Variants in NUP153 observed in about 807,000 individuals in gnomAD.
NUP153 encodes nucleoporin 153.
NUP153 carries 27 observed loss-of-function variants against 134.6 expected under a neutral mutation model. The ratio of observed to expected loss-of-function variants is 0.20; its 90% CI spans 0.15 to 0.28. NUP153 has a LOEUF of 0.28. Among genes scored for constraint, NUP153 ranks in the 10% least tolerant of loss-of-function variants. The pLI, the probability that NUP153 is intolerant of heterozygous loss-of-function variation, is 1.00. For synonymous variants in NUP153, 640 were observed against 623.5 expected (o/e 1.03, Z -0.40); for missense variants, 1,821 against 1,731.3 (o/e 1.05, Z -0.92).
chr6:17,682,201 G>A (rs950090446), intron 2 of NUP153, among the ~76,000 whole-genome samples: 1 of 152,100 alleles, frequency 6.6e-6, no homozygotes, highest in Non-Finnish European at 1.5e-5. Flanking sequence ...CCTATTAAGT[G>A]TGCAACAGCA....
chr6:17,698,554 T>C (rs539849874), intron 1 of NUP153, among the ~76,000 whole-genome samples: 8 of 152,120 alleles, frequency 5.3e-5, no homozygotes, highest in African/African-American at 1.7e-4. Context: ...CCGGCTAACA[T>C]GGTGAAACCC....
At chr6:17,674,317 G>A (rs1768087066) in intron 5 of NUP153, among the ~76,000 whole-genome samples, 2 of 152,058 alleles carry the variant, frequency 1.3e-5, no homozygotes, top group African/African-American at 4.8e-5. Flanking sequence ...TGTAGTATGT[G>A]TAATTTATAC....
chr6:17,699,797 G>A (rs1315451445), intron 1 of NUP153, among the ~76,000 whole-genome samples: 3 of 150,432 alleles, frequency 2.0e-5, no homozygotes, highest in Admixed American at 2.0e-4. Flanking sequence ...ATCACAGCAT[G>A]GCACTCCAGC....
At chr6:17,645,465 TTC>T (rs1425251475) in intron 14 of NUP153, among the ~76,000 whole-genome samples, 9 of 136,340 alleles carry the variant, frequency 6.6e-5, no homozygotes, top group African/African-American at 2.6e-4. Flanking sequence ...TTATTTCTTT[TTC>T]TTTTTTTTTT....
intron 2 of NUP153, among the ~76,000 whole-genome samples, chr6:17,686,329 A>T (rs7745349): frequency 0.24 from 36,919 of 151,918 alleles, 4,876 homozygotes; most frequent in Non-Finnish European, 0.29. Context: ...GCCATGATAT[A>T]GCTGATACTG....
intron 2 of NUP153, among the ~76,000 whole-genome samples, chr6:17,684,076 C>T (rs1768772299): frequency 6.6e-6 from 1 of 152,160 alleles, no homozygotes; most frequent in Non-Finnish European, 1.5e-5. Context: ...GATATGCCTG[C>T]TCCCACTCTG....
At chr6:17,679,626 G>A (rs1768456801) in intron 2 of NUP153, among the ~76,000 whole-genome samples, 1 of 152,186 alleles carries the variant, frequency 6.6e-6, no homozygotes, top group Admixed American at 6.5e-5. Context: ...TAATACAGAA[G>A]TACAGTAATG....
At chr6:17,639,146 C>A (rs771905938) in intron 15 of NUP153, among the ~76,000 whole-genome samples, 1 of 151,688 alleles carries the variant, frequency 6.6e-6, no homozygotes, top group Admixed American at 6.6e-5. Context: ...GGTTCGATCT[C>A]GGTTCACTGC....
intron 2 of NUP153, among the ~76,000 whole-genome samples, chr6:17,687,705 A>C (rs1769020081): frequency 6.6e-6 from 1 of 152,228 alleles, no homozygotes; most frequent in Non-Finnish European, 1.5e-5. Flanking sequence ...AGGGCTACAA[A>C]AAGTTTTGTA....
intron 11 of NUP153, chr6:17,651,867 G>A: frequency 3.0e-6 from 2 of 675,670 alleles, no homozygotes; most frequent in East Asian, 2.7e-5. Context: ...GCCAAGATGG[G>A]ATGATCGCTT....
intron 2 of NUP153, among the ~76,000 whole-genome samples, chr6:17,683,718 A>AC (rs113794477): frequency 0.062 from 9,409 of 152,022 alleles, 392 homozygotes; most frequent in Non-Finnish European, 0.084. Context: ...AGTTGCATTA[A>AC]CCCCTAATAA....
At chr6:17,697,506 C>T (rs968149769) in intron 1 of NUP153, among the ~76,000 whole-genome samples, 3 of 152,108 alleles carry the variant, frequency 2.0e-5, no homozygotes, top group South Asian at 2.1e-4. Context: ...GCCAACATGG[C>T]GAAACCCTGT....
chr6:17,632,925 AC>A, intron 16 of NUP153, 81 bp from the exon 17 acceptor site: 1 of 1,025,582 alleles, frequency 9.8e-7, no homozygotes, highest in South Asian at 1.9e-5. Flanking sequence ...TCTTAATGGC[AC>A]TGCTAAGTTT....
At chr6:17,704,623 G>A (rs2150256849) in intron 1 of NUP153, among the ~76,000 whole-genome samples, 1 of 151,916 alleles carries the variant, frequency 6.6e-6, no homozygotes, top group South Asian at 2.1e-4. Context: ...AGTAGTAACA[G>A]TGCCAAACCT....
intron 14 of NUP153, among the ~76,000 whole-genome samples, chr6:17,643,947 C>A (rs938363562): frequency 1.3e-5 from 2 of 152,000 alleles, no homozygotes; most frequent in African/African-American, 4.8e-5. Context: ...GAAATTTAAT[C>A]CTCTTGAATT....
intron 2 of NUP153, among the ~76,000 whole-genome samples, chr6:17,682,479 C>T (rs1309268798): frequency 2.0e-5 from 3 of 152,168 alleles, no homozygotes; most frequent in South Asian, 2.1e-4. Flanking sequence ...TTTTTGATAG[C>T]ATTCTAACTG....
intron 1 of NUP153, among the ~76,000 whole-genome samples, chr6:17,705,071 T>A (rs1770393810): frequency 1.3e-5 from 2 of 152,228 alleles, no homozygotes; most frequent in South Asian, 4.1e-4. Context: ...TCTTTACTTT[T>A]AAAAATCTGT....
Position 17,665,378 on chromosome 6 carries a change from G to C in NUP153, c.1076C>G (p.Ser359Cys), listed in dbSNP as rs1225537772. ...AAGTCTCTGAACAGGAGGATATTGAGAATCCACCTTACAGGTAAAGAGAAA... is the reference window on the plus strand; with the variant it reads ...AAGTCTCTGAACAGGAGGATATTGACAATCCACCTTACAGGTAAAGAGAAA... ...DFQAKREKVDSQYPPVQRLMT... is the reference protein window; with the variant it reads ...DFQAKREKVDCQYPPVQRLMT... The change falls in exon 9 of 22, where the codon TCT becomes TGT. Residue 359 changes from serine (S) to cysteine (C), a missense_variant. By Grantham distance (112) the Ser-to-Cys change is moderately radical. Coordinates refer to ENST00000262077, the MANE Select transcript of NUP153 (RefSeq NM_005124.4). 6.2e-7 allele frequency: 1 copy of C among 1,608,598 alleles called. No homozygotes were observed. The highest frequency in any genetic ancestry group is 8.5e-7 in the Non-Finnish European group (1 of 1,177,738).
At position 17,637,673 on chromosome 6, in the gene NUP153, A is replaced by T; in HGVS notation, c.1944T>A (p.Ser648Arg). 6.2e-7 allele frequency: 1 copy of T among 1,613,018 alleles called. No individual in the cohort carries two copies. Among genetic ancestry groups the T allele is most frequent in the Non-Finnish European group, 8.5e-7 (1 of 1,179,994 alleles). ...TRPAISSFSS[S>R]GIGFGESLKA... ...TTAAACTCTCCCCAAACCCAATTCC[A>T]CTAGAAGAAAAGCTACTTATTGCTG... Residue 648 changes from serine to arginine, a missense_variant, in exon 16 of 22, where the codon AGT becomes AGA. Transcript: ENST00000262077.
Sources: allele counts gnomAD v4.1 joint callset (sites outside exome capture counted in the v4.1 genomes callset), GRCh38; gene constraint gnomAD v4.1.1; transcripts MANE v1.5; gene names NCBI Gene and HGNC (gene_info 2026-07-23, HGNC 2026-07-21).